The following GSTCD variants were observed in gnomAD, a reference collection of about 807,000 sequenced individuals.
GSTCD encodes glutathione S-transferase C-terminal domain containing, also known as glutathione S-transferase C-terminal domain-containing protein.
A neutral mutation model predicts 68.3 loss-of-function variants in GSTCD; 44 were observed. The ratio of observed to expected loss-of-function variants is 0.64; its 90% CI spans 0.51 to 0.83. GSTCD has a LOEUF of 0.83. Ranked by LOEUF, GSTCD falls within the 40% of genes least tolerant of loss-of-function variation. GSTCD has a pLI of 0.00. For missense variants in GSTCD, 739 were observed against 735.9 expected (o/e 1.00, Z -0.05); for synonymous variants, 273 against 255.2 (o/e 1.07, Z -0.67).
At chr4:105,828,027 C>T (rs963377348) in intron 8 of GSTCD, among the ~76,000 whole-genome samples, 3 of 151,968 alleles carry the variant, frequency 2.0e-5, no homozygotes, top group East Asian at 1.9e-4. Flanking sequence ...AAACAAAAAC[C>T]GTATCAAGGC....
intron 5 of GSTCD, among the ~76,000 whole-genome samples, chr4:105,752,269 C>A (rs1325061501): frequency 6.6e-6 from 1 of 151,936 alleles, no homozygotes; most frequent in Non-Finnish European, 1.5e-5. Flanking sequence ...AGTCTTTTTT[C>A]TTCTTGGAAT....
intron 5 of GSTCD, among the ~76,000 whole-genome samples, chr4:105,805,089 A>G (rs1448999795): frequency 6.6e-6 from 1 of 152,074 alleles, no homozygotes; most frequent in African/African-American, 2.4e-5. Flanking sequence ...TCAATAATTG[A>G]AAAGGGATAT....
chr4:105,739,322 G>T (rs527762210), intron 5 of GSTCD, among the ~76,000 whole-genome samples: 2 of 152,076 alleles, frequency 1.3e-5, no homozygotes, highest in Admixed American at 6.6e-5. Context: ...AAGTTTTTTT[G>T]TTGTTGCTGT....
intron 5 of GSTCD, among the ~76,000 whole-genome samples, chr4:105,807,617 A>G (rs1018581987): frequency 6.6e-6 from 1 of 152,084 alleles, no homozygotes; most frequent in Non-Finnish European, 1.5e-5. Flanking sequence ...TTAGATGAAA[A>G]TTAAACTATT....
At chr4:105,833,669 T>C (rs1723990779) in intron 8 of GSTCD, among the ~76,000 whole-genome samples, 1 of 152,176 alleles carries the variant, frequency 6.6e-6, no homozygotes, top group East Asian at 1.9e-4. Flanking sequence ...CCACATCTGA[T>C]TTTCACTGAG....
intron 11 of GSTCD, 23 bp downstream of exon 11, chr4:105,842,157 T>A: frequency 6.3e-7 from 1 of 1,596,892 alleles, no homozygotes; most frequent in Non-Finnish European, 8.6e-7. Flanking sequence ...ACAGAGCAGC[T>A]GTTGAGTGTA....
chr4:105,814,261 C>T (rs1271447120), intron 5 of GSTCD, among the ~76,000 whole-genome samples: 1 of 152,196 alleles, frequency 6.6e-6, no homozygotes, highest in Non-Finnish European at 1.5e-5. Flanking sequence ...CAAGCTTTCT[C>T]TGCCTAGCCC....
intron 5 of GSTCD, among the ~76,000 whole-genome samples, chr4:105,764,666 C>A (rs1026117694): frequency 5.9e-5 from 9 of 152,082 alleles, no homozygotes. Flanking sequence ...AAATTAAGGC[C>A]CCACACTTAT....
chr4:105,735,254 C>T (rs1733418089), intron 5 of GSTCD, among the ~76,000 whole-genome samples: 2 of 152,172 alleles, frequency 1.3e-5, no homozygotes, highest in African/African-American at 2.4e-5. Flanking sequence ...GAGGGTTCCG[C>T]TGTGCCCTGC....
intron 9 of GSTCD, among the ~76,000 whole-genome samples, chr4:105,835,546 G>T (rs1392315062): frequency 6.6e-6 from 1 of 152,056 alleles, no homozygotes; most frequent in Admixed American, 6.5e-5. Flanking sequence ...GAAACGCCAG[G>T]AGCCACAGAA....
chr4:105,776,279 G>A (rs1475779694), intron 5 of GSTCD, among the ~76,000 whole-genome samples: 1 of 152,156 alleles, frequency 6.6e-6, no homozygotes, highest in Admixed American at 6.5e-5. Flanking sequence ...TGGGCTCTGT[G>A]GGGGTGGAAT....
At chr4:105,786,532 CAAA>C (rs374244742) in intron 5 of GSTCD, among the ~76,000 whole-genome samples, 4 of 87,804 alleles carry the variant, frequency 4.6e-5, no homozygotes, top group African/African-American at 8.3e-5. Flanking sequence ...AAACACCATC[CAAA>C]AAAAAAAAAA....
At chr4:105,773,180 A>G (rs1734922447) in intron 5 of GSTCD, among the ~76,000 whole-genome samples, 1 of 152,058 alleles carries the variant, frequency 6.6e-6, no homozygotes, top group South Asian at 2.1e-4. Flanking sequence ...GGTAGTTTGT[A>G]TTTCTGTGGG....
At chr4:105,739,959 T>C (rs1250889389) in intron 5 of GSTCD, among the ~76,000 whole-genome samples, 1 of 151,968 alleles carries the variant, frequency 6.6e-6, no homozygotes, top group Non-Finnish European at 1.5e-5. Context: ...ATGAAACAGC[T>C]CCACTACTGC....
At chr4:105,798,604 C>T (rs987198059) in intron 5 of GSTCD, among the ~76,000 whole-genome samples, 6 of 152,124 alleles carry the variant, frequency 3.9e-5, no homozygotes, top group Admixed American at 3.9e-4. Flanking sequence ...CCTTGTAGAT[C>T]TCCATCAGAG....
intron 5 of GSTCD, among the ~76,000 whole-genome samples, chr4:105,754,036 G>A (rs1734098288): frequency 6.6e-6 from 1 of 151,610 alleles, no homozygotes; most frequent in African/African-American, 2.4e-5. Flanking sequence ...CTGTTTTTCT[G>A]CTAATGGGAA....
At chr4:105,786,378 G>A (rs1025419952) in intron 5 of GSTCD, among the ~76,000 whole-genome samples, 22 of 151,974 alleles carry the variant, frequency 1.4e-4, no homozygotes, top group African/African-American at 4.8e-4. Context: ...CAAGTGTGGT[G>A]GCTCGCACTT....
intron 5 of GSTCD, among the ~76,000 whole-genome samples, chr4:105,819,467 A>G (rs1723168399): frequency 6.6e-6 from 1 of 151,742 alleles, no homozygotes; most frequent in Non-Finnish European, 1.5e-5. Context: ...CTTCTTATTC[A>G]TTTCTGTTGA....
At chr4:105,792,297 A>G (rs1735708448) in intron 5 of GSTCD, among the ~76,000 whole-genome samples, 1 of 152,064 alleles carries the variant, frequency 6.6e-6, no homozygotes, top group Non-Finnish European at 1.5e-5. Flanking sequence ...GAAAATTTAA[A>G]CTATCCCACA....
Sources: allele counts gnomAD v4.1 joint callset (sites outside exome capture counted in the v4.1 genomes callset), GRCh38; gene constraint gnomAD v4.1.1; transcripts MANE v1.5; gene names NCBI Gene and HGNC (gene_info 2026-07-23, HGNC 2026-07-21).